The following OSBPL3 variants were observed in gnomAD, a reference collection of about 807,000 sequenced individuals.
The protein encoded by OSBPL3 is oxysterol binding protein like 3.
Under a neutral mutation model 120.1 loss-of-function variants are expected in OSBPL3, and 65 were observed. The ratio of observed to expected loss-of-function variants is 0.54; its 90% CI spans 0.44 to 0.67. The LOEUF (loss-of-function observed/expected upper bound fraction) is 0.67. OSBPL3 is among the 30% of genes least tolerant of loss of function. The probability of loss-of-function intolerance (pLI) is 0.00; values close to 1 mark genes in which losing one functional copy is unlikely to be tolerated. For synonymous variants in OSBPL3, 416 were observed against 402.6 expected, an observed-to-expected ratio of 1.03 and a Z score of -0.40; for missense variants, 1,004 against 1,082.1, an observed-to-expected ratio of 0.93 and a Z score of 1.01.
At chr7:24,917,973 C>T in intron 1 of OSBPL3, 3 of 500,954 alleles carry the variant, frequency 6.0e-6, no homozygotes, top group Non-Finnish European at 7.7e-6. Flanking sequence ...ACCAAGATTC[C>T]TTCAGCCTGA....
chr7:24,882,261 C>T (rs945113167), intron 2 of OSBPL3, among the ~76,000 whole-genome samples: 4 of 151,374 alleles, frequency 2.6e-5, no homozygotes, highest in African/African-American at 9.7e-5. Context: ...CTCCCCCACC[C>T]TCACCTGCTG....
chr7:24,832,509 C>CAAAAAAAA (rs1191532612), intron 15 of OSBPL3, among the ~76,000 whole-genome samples: 1 of 96,686 alleles, frequency 1.0e-5, no homozygotes, highest in Non-Finnish European at 2.1e-5. Context: ...GACTCTGCCT[C>CAAAAAAAA]AAAGAAAAAA....
chr7:24,896,815 T>C lies in OSBPL3; in HGVS notation c.-149-4194A>G, dbSNP rs116572215. Among the ~76,000 whole-genome samples, 708 of 152,318 alleles carry C rather than the reference T, an allele frequency of 4.6e-3. 3 individuals are homozygous for C. The highest frequency in any genetic ancestry group is 0.015 in the African/African-American group (637 of 41,572). On this transcript the variant is annotated intron_variant, in intron 1 of 22. Coordinates refer to ENST00000313367, the MANE Select transcript of OSBPL3 (RefSeq NM_015550.4). This position sits in a 1 kb window ranked among gnomAD's most constrained non-coding sequence, Gnocchi z 4.4. ...GGCCAGGTGGAGTGGCTCATGCCTA[T>C]AATCCCAGCAATTTAGGAGGTGGAC...
At chr7:24,917,442 T>G (rs1809810015) in intron 1 of OSBPL3, among the ~76,000 whole-genome samples, 1 of 113,446 alleles carries the variant, frequency 8.8e-6, no homozygotes, top group African/African-American at 3.8e-5. Flanking sequence ...AACATATATA[T>G]ATATACACAC....
chr7:24,826,502 C>G (rs936771363), intron 16 of OSBPL3, among the ~76,000 whole-genome samples: 1 of 152,068 alleles, frequency 6.6e-6, no homozygotes, highest in Non-Finnish European at 1.5e-5. Flanking sequence ...TAGCTCTGAG[C>G]ATAGTCACTG....
In OSBPL3 at chr7:24,833,431, T is replaced by G. The variant is rs80355311; in HGVS notation, c.1746+1055A>C. 5.9e-3 allele frequency among the ~76,000 whole-genome samples: 904 copies of G among 152,330 alleles called. 16 individuals are homozygous for G. The highest frequency in any genetic ancestry group is 0.021 in the African/African-American group (864 of 41,570). ...GGGCAGAATGACTATGGGCTATCCC[T>G]CTCAGACAGCAGTTAAGATTCCCCC... On this transcript the variant is annotated intron_variant, in intron 15 of 22. Transcript: ENST00000313367. The surrounding 1 kb of genome is among the most constrained non-coding windows in gnomAD (Gnocchi z 4.4).
chr7:24,839,663 A>G (rs1797451139), intron 14 of OSBPL3, among the ~76,000 whole-genome samples: 1 of 152,176 alleles, frequency 6.6e-6, no homozygotes, highest in South Asian at 2.1e-4. Context: ...GCCATATTCT[A>G]ACATGTCCTG....
chr7:24,847,206 G>A (rs1027348422), intron 12 of OSBPL3, among the ~76,000 whole-genome samples: 8 of 152,056 alleles, frequency 5.3e-5, no homozygotes, highest in East Asian at 3.9e-4. Context: ...GGGAGTTACC[G>A]AAAAAAAATT....
In OSBPL3 at chr7:24,835,048, T is replaced by C. The variant is rs1267353344; in HGVS notation, c.1496-312A>G. Among the ~76,000 whole-genome samples, 2 of 152,220 alleles carry C rather than the reference T, an allele frequency of 1.3e-5. No individual in the cohort carries two copies. The highest frequency in any genetic ancestry group is 2.9e-5 in the Non-Finnish European group (2 of 68,042). Reference sequence around the variant, plus strand: ...GGATTTCTATGCCTATAGTTGCTTATTGTTTATAAAAACTTGTAAACTTTT... The same window carrying C: ...GGATTTCTATGCCTATAGTTGCTTACTGTTTATAAAAACTTGTAAACTTTT... On this transcript the variant is annotated intron_variant, in intron 14 of 22. Transcript: ENST00000313367. The surrounding 1 kb of genome is among the most constrained non-coding windows in gnomAD (Gnocchi z 4.8).
At chr7:24,941,435 T>C (rs952659105) in intron 1 of OSBPL3, among the ~76,000 whole-genome samples, 1 of 152,240 alleles carries the variant, frequency 6.6e-6, no homozygotes, top group Non-Finnish European at 1.5e-5. Flanking sequence ...ATCTCTCGCC[T>C]ACCTGACTAC....
At chr7:24,858,960 T>A (rs577099621) in intron 10 of OSBPL3, among the ~76,000 whole-genome samples, 1 of 152,354 alleles carries the variant, frequency 6.6e-6, no homozygotes, top group Non-Finnish European at 1.5e-5. Context: ...CCACAAAACT[T>A]AAGATGCCCT....
upstream of OSBPL3, among the ~76,000 whole-genome samples, chr7:24,980,377 G>A (rs1393767348): frequency 8.6e-5 from 13 of 152,028 alleles, no homozygotes; most frequent in African/African-American, 2.7e-4. Context: ...TCCATGACGC[G>A]GCGGGGGAAC....
chr7:24,937,970 G>C lies in OSBPL3; in HGVS notation c.-150+41916C>G, dbSNP rs1812618907. ...AGGACAGAGAAGAAAACTATGGAGTGTTCTGCTTGGGTAACAAAAGTAGAA... is the reference window on the plus strand; with the variant it reads ...AGGACAGAGAAGAAAACTATGGAGTCTTCTGCTTGGGTAACAAAAGTAGAA... On this transcript the variant is annotated intron_variant, in intron 1 of 22. Transcript: ENST00000313367. This position sits in a 1 kb window ranked among gnomAD's most constrained non-coding sequence, Gnocchi z 4.0. Among the ~76,000 whole-genome samples the C allele has an allele frequency of 6.6e-6, 1 of 152,192 alleles. No individual in the cohort carries two copies. The highest frequency in any genetic ancestry group is 6.5e-5 in the Admixed American group (1 of 15,276).
In OSBPL3 at chr7:24,871,927, A is replaced by T; in HGVS notation, c.213+26T>A. 6.5e-7 allele frequency: 1 copy of T among 1,544,278 alleles called. No individual in the cohort carries two copies. The highest frequency in any genetic ancestry group is 9.0e-7 in the Non-Finnish European group (1 of 1,116,572). ...TGAGTGGGGCAGTGTGAGTGCAAAT[A>T]AAGGGGAGGCCAAGACCAACCTTAC... On this transcript the variant is annotated intron_variant, in intron 3 of 22. Transcript: ENST00000313367. The surrounding 1 kb of genome is among the most constrained non-coding windows in gnomAD (Gnocchi z 4.8).
At chr7:24,949,115 G>C (rs1814082487) in intron 1 of OSBPL3, among the ~76,000 whole-genome samples, 1 of 152,170 alleles carries the variant, frequency 6.6e-6, no homozygotes, top group Admixed American at 6.5e-5. Context: ...ATTAGTAGTT[G>C]AGCGTAAATT....
intron 1 of OSBPL3, among the ~76,000 whole-genome samples, chr7:24,914,035 T>C (rs1809212645): frequency 6.6e-6 from 1 of 152,128 alleles, no homozygotes; most frequent in Admixed American, 6.5e-5. Flanking sequence ...CTTTTAATAT[T>C]GCAGTGCAAA....
intron 1 of OSBPL3, among the ~76,000 whole-genome samples, chr7:24,975,739 AC>A (rs1023464959): frequency 1.3e-5 from 2 of 152,256 alleles, no homozygotes; most frequent in African/African-American, 4.8e-5. Flanking sequence ...GGAAGGAAGG[AC>A]ATCAGCAACA....
chr7:24,869,090 T>C (rs1399446191), intron 5 of OSBPL3, among the ~76,000 whole-genome samples: 1 of 152,152 alleles, frequency 6.6e-6, no homozygotes, highest in African/African-American at 2.4e-5. Context: ...CTCAGATAAC[T>C]ACACTTACCT....
rs148083354 is a variant in OSBPL3, at chr7:24,852,006, A to C, written c.1158+498T>G. ...GCTAAATGTCTTGTACTATCCCATC[A>C]AACAAAATAGCTCTCATGTCTTTGA... On this transcript the variant is annotated intron_variant, in intron 11 of 22. Transcript: ENST00000313367. This position sits in a 1 kb window ranked among gnomAD's most constrained non-coding sequence, Gnocchi z 4.1. Among the ~76,000 whole-genome samples the C allele has an allele frequency of 6.6e-6, 1 of 152,340 alleles. No homozygotes were observed. Among genetic ancestry groups the C allele is most frequent in the East Asian group, 1.9e-4 (1 of 5,190 alleles).
Sources: gnomAD v4.1 joint callset for allele counts (sites outside exome capture counted in the v4.1 genomes callset) on GRCh38, gnomAD v4.1.1 for gene constraint, Gnocchi (gnomAD v3.1) non-coding constraint, MANE v1.5 for transcripts, NCBI Gene and HGNC (gene_info 2026-07-23, HGNC 2026-07-21) for gene names.